The following DLG1 variants were observed in gnomAD, a reference collection of about 807,000 sequenced individuals.
DLG1 encodes discs large MAGUK scaffold protein 1, also known as disks large homolog 1.
Under a neutral mutation model 123.4 loss-of-function variants are expected in DLG1, and 42 were observed. That is an observed-to-expected ratio of 0.34 (90% CI 0.27 to 0.44). The LOEUF is 0.44. Ranked by LOEUF, DLG1 falls within the 20% of genes least tolerant of loss-of-function variation. DLG1 has a pLI of 1.00. For missense variants in DLG1, 942 were observed against 1,082.6 expected, an observed-to-expected ratio of 0.87 and a Z score of 1.82; for synonymous variants, 317 against 356.2, an observed-to-expected ratio of 0.89 and a Z score of 1.24.
intron 1 of DLG1, chr3:197,298,333 C>G: frequency 2.5e-6 from 1 of 395,228 alleles, no homozygotes; most frequent in East Asian, 3.6e-5. Context: ...AAAAGGGCGG[C>G]CGCTGAAGTG....
intron 22 of DLG1, 50 bp downstream of exon 22, chr3:197,065,226 A>G: frequency 6.6e-7 from 1 of 1,519,666 alleles, no homozygotes; most frequent in Non-Finnish European, 8.8e-7. Flanking sequence ...GCATACTGTC[A>G]AAGGCATATC....
chr3:197,222,992 T>C (rs895098340), intron 4 of DLG1, among the ~76,000 whole-genome samples: 1 of 152,194 alleles, frequency 6.6e-6, no homozygotes, highest in Non-Finnish European at 1.5e-5. Context: ...CTAGGGACCT[T>C]AGGCTCCGGC....
At chr3:197,171,033 T>C (rs1243214541) in intron 5 of DLG1, among the ~76,000 whole-genome samples, 2 of 152,220 alleles carry the variant, frequency 1.3e-5, no homozygotes, top group Non-Finnish European at 2.9e-5. Flanking sequence ...AAGGATCTTA[T>C]TTTGGTTTTG....
chr3:197,110,630 TAGC>T (rs1321327718), intron 13 of DLG1, among the ~76,000 whole-genome samples: 1 of 152,212 alleles, frequency 6.6e-6, no homozygotes, highest in East Asian at 1.9e-4. Context: ...CAACTCCAGA[TAGC>T]AGAACTGTCC....
At chr3:197,126,337 G>A (rs995982330) in intron 11 of DLG1, among the ~76,000 whole-genome samples, 2 of 152,082 alleles carry the variant, frequency 1.3e-5, no homozygotes, top group East Asian at 1.9e-4. Context: ...TTAGCAGGGC[G>A]TGGTGGCGCA....
chr3:197,295,819 A>G (rs1777136233), intron 3 of DLG1, among the ~76,000 whole-genome samples: 1 of 152,238 alleles, frequency 6.6e-6, no homozygotes, highest in Non-Finnish European at 1.5e-5. Flanking sequence ...ACTTCAAATT[A>G]AGTTACAATT....
intron 12 of DLG1, among the ~76,000 whole-genome samples, chr3:197,116,727 C>T (rs998056629): frequency 3.9e-5 from 6 of 152,252 alleles, no homozygotes; most frequent in East Asian, 3.9e-4. Context: ...ATAATACAAT[C>T]CCTTTACTGG....
Position 197,296,326 on chromosome 3 carries a change from T to A in DLG1, c.151+20A>T. 6.2e-7 allele frequency: 1 copy of A among 1,608,828 alleles called. No homozygotes were observed. Among genetic ancestry groups the A allele is most frequent in the Non-Finnish European group, 8.5e-7 (1 of 1,175,890 alleles). On this transcript the variant is annotated intron_variant, in intron 3 of 24. Coordinates refer to ENST00000667157, the MANE Select transcript of DLG1 (RefSeq NM_001366207.1). ...CATAAAGCCTAGCTGGCATAATAGT[T>A]ACGAAGTTTTAATTCCCACCTATTA...
intron 4 of DLG1, among the ~76,000 whole-genome samples, chr3:197,239,629 C>T: frequency 6.6e-6 from 1 of 152,018 alleles, no homozygotes; most frequent in Non-Finnish European, 1.5e-5. Context: ...CACACCATGA[C>T]CCAGTGGGAT....
chr3:197,243,263 C>CATG (rs1184028764), intron 4 of DLG1, among the ~76,000 whole-genome samples: 5 of 152,120 alleles, frequency 3.3e-5, no homozygotes, highest in African/African-American at 1.2e-4. Context: ...AGTAAGGCGG[C>CATG]ATGGGTCAGC....
chr3:197,289,331 T>TACACGCGCATACAC, intron 3 of DLG1, among the ~76,000 whole-genome samples: 1 of 107,318 alleles, frequency 9.3e-6, no homozygotes, highest in South Asian at 3.5e-4. Context: ...GTGGCGTGTA[T>TACACGCGCATACAC]ACACGCGCAT....
At chr3:197,226,094 A>C (rs1180121339) in intron 4 of DLG1, 1 of 152,312 alleles carries the variant, frequency 6.6e-6, no homozygotes, top group Non-Finnish European at 1.5e-5. Context: ...TTGTATTAAA[A>C]TGTTGCATTC....
intron 3 of DLG1, among the ~76,000 whole-genome samples, chr3:197,285,849 T>C (rs775988053): frequency 6.6e-6 from 1 of 152,200 alleles, no homozygotes; most frequent in Non-Finnish European, 1.5e-5. Context: ...TCATACTATA[T>C]ATGCTCCAGC....
At chr3:197,228,792 G>C (rs1741299540) in intron 4 of DLG1, among the ~76,000 whole-genome samples, 1 of 151,942 alleles carries the variant, frequency 6.6e-6, no homozygotes, top group African/African-American at 2.4e-5. Context: ...AACTACCTAA[G>C]AAACAATATT....
At chr3:197,105,984 T>A (rs745939519) in intron 13 of DLG1, among the ~76,000 whole-genome samples, 1 of 152,248 alleles carries the variant, frequency 6.6e-6, no homozygotes, top group Non-Finnish European at 1.5e-5. Flanking sequence ...ATATCACTTT[T>A]AAAAAATTTG....
chr3:197,192,397 T>C (rs1720091487), intron 5 of DLG1, among the ~76,000 whole-genome samples: 1 of 151,784 alleles, frequency 6.6e-6, no homozygotes, highest in South Asian at 2.1e-4. Context: ...GGCTGGTAAT[T>C]AGTGCAATAA....
At chr3:197,196,442 T>C (rs916150417) in intron 4 of DLG1, among the ~76,000 whole-genome samples, 3 of 152,150 alleles carry the variant, frequency 2.0e-5, no homozygotes, top group Admixed American at 6.5e-5. Flanking sequence ...AACATAAACA[T>C]AGAAAACCTA....
At chr3:197,142,252 T>C (rs1788421050) in intron 7 of DLG1, among the ~76,000 whole-genome samples, 1 of 152,156 alleles carries the variant, frequency 6.6e-6, no homozygotes, top group Non-Finnish European at 1.5e-5. Flanking sequence ...AAGAAAAATC[T>C]GAGAAACTAT....
At chr3:197,140,625 C>A (rs1429156454) in intron 7 of DLG1, among the ~76,000 whole-genome samples, 1 of 152,226 alleles carries the variant, frequency 6.6e-6, no homozygotes, top group African/African-American at 2.4e-5. Context: ...TAGGGCACAT[C>A]TCTCCTAAGA....
Sources: gnomAD v4.1 joint callset for allele counts (sites outside exome capture counted in the v4.1 genomes callset) on GRCh38, gnomAD v4.1.1 for gene constraint, MANE v1.5 for transcripts, NCBI Gene and HGNC (gene_info 2026-07-23, HGNC 2026-07-21) for gene names.